The following SLC4A5 variants were observed in gnomAD, a reference collection of about 807,000 sequenced individuals.
SLC4A5 encodes the protein solute carrier family 4 member 5.
In SLC4A5, 96 loss-of-function variants were observed where a neutral mutation model predicts 120.4. The ratio of observed to expected loss-of-function variants is 0.80; its 90% CI spans 0.68 to 0.94. The LOEUF (loss-of-function observed/expected upper bound fraction) is 0.94, where lower values mean the gene tolerates loss of function less well. Among genes scored for constraint, SLC4A5 ranks in the 40% least tolerant of loss-of-function variants. The pLI is 0.00. For missense variants in SLC4A5, 1,259 were observed against 1,459.5 expected, an observed-to-expected ratio of 0.86 and a Z score of 2.24; for synonymous variants, 550 against 571.1, an observed-to-expected ratio of 0.96 and a Z score of 0.53.
At chr2:74,228,590 A>G (rs1240893280) in intron 25 of SLC4A5, among the ~76,000 whole-genome samples, 8 of 152,138 alleles carry the variant, frequency 5.3e-5, no homozygotes. Flanking sequence ...AGATCGTGCT[A>G]CTGAACTCCA....
chr2:74,294,525 C>G (rs1432642403), intron 7 of SLC4A5, among the ~76,000 whole-genome samples: 3 of 152,084 alleles, frequency 2.0e-5, no homozygotes, highest in African/African-American at 7.2e-5. Context: ...TCAAACTGAA[C>G]AGTTGCTCTG....
At chr2:74,314,979 G>C in exon 6 of SLC4A5, 1 of 1,614,014 alleles carries the variant, frequency 6.2e-7, no homozygotes. Context: ...TGTGGTTAGT[G>C]TGGTCCAGCT....
chr2:74,281,146 C>T (rs562211607), intron 8 of SLC4A5, among the ~76,000 whole-genome samples: 1 of 152,366 alleles, frequency 6.6e-6, no homozygotes, highest in Admixed American at 6.5e-5. Context: ...ACCCACTTCT[C>T]CTGCCCTTCC....
chr2:74,336,082 G>A (rs1673480498), intron 3 of SLC4A5, among the ~76,000 whole-genome samples: 1 of 151,966 alleles, frequency 6.6e-6, no homozygotes, highest in South Asian at 2.1e-4. Context: ...TTTATTTATT[G>A]TGGAGACAGC....
At chr2:74,276,215 C>T (rs1383272092) in intron 8 of SLC4A5, among the ~76,000 whole-genome samples, 1 of 152,166 alleles carries the variant, frequency 6.6e-6, no homozygotes, top group Non-Finnish European at 1.5e-5. Context: ...AAGAGATCAT[C>T]TGTGCACAAA....
intron 20 of SLC4A5, among the ~76,000 whole-genome samples, chr2:74,239,973 C>T (rs889782978): frequency 3.3e-5 from 5 of 151,028 alleles, no homozygotes; most frequent in African/African-American, 1.2e-4. Flanking sequence ...TCTCAGATGC[C>T]TAAAATCCAA....
intron 8 of SLC4A5, among the ~76,000 whole-genome samples, chr2:74,266,165 A>T (rs1159952986): frequency 6.6e-6 from 1 of 152,210 alleles, no homozygotes; most frequent in Non-Finnish European, 1.5e-5. Context: ...ACATATAGAA[A>T]CTTGCGGAGA....
intron 7 of SLC4A5, chr2:74,290,788 G>C (rs1672141581): frequency 1.0e-6 from 1 of 987,038 alleles, no homozygotes; most frequent in Admixed American, 6.1e-5. Context: ...TGGCAGCTGA[G>C]GACCTGTGAG....
chr2:74,301,805 A>G (rs1189532554), intron 7 of SLC4A5, among the ~76,000 whole-genome samples: 1 of 152,216 alleles, frequency 6.6e-6, no homozygotes, highest in Admixed American at 6.5e-5. Flanking sequence ...CTCAATGCCC[A>G]TGGGCTGCAG....
At chr2:74,230,509 C>T (rs1670038980) in intron 25 of SLC4A5, among the ~76,000 whole-genome samples, 2 of 152,060 alleles carry the variant, frequency 1.3e-5, no homozygotes, top group South Asian at 4.1e-4. Context: ...CCTGAGTAGC[C>T]GGACTACAGG....
At chr2:74,290,745 C>G (rs1481811261) in intron 7 of SLC4A5, 1 of 985,888 alleles carries the variant, frequency 1.0e-6, no homozygotes, top group Non-Finnish European at 1.2e-6. Context: ...GAACCTCAAG[C>G]AGGAAGCCGG....
At chr2:74,301,532 G>C (rs758198942) in intron 7 of SLC4A5, among the ~76,000 whole-genome samples, 6 of 152,228 alleles carry the variant, frequency 3.9e-5, no homozygotes, top group Non-Finnish European at 7.3e-5. Flanking sequence ...TTACAGAACA[G>C]ACAGGACACT....
chr2:74,298,297 G>C (rs1476040928), intron 7 of SLC4A5, among the ~76,000 whole-genome samples: 1 of 152,180 alleles, frequency 6.6e-6, no homozygotes, highest in Non-Finnish European at 1.5e-5. Flanking sequence ...TATCTGACAA[G>C]AGTGGTAAGA....
intron 7 of SLC4A5, among the ~76,000 whole-genome samples, chr2:74,293,596 G>T (rs1672239941): frequency 6.6e-6 from 1 of 152,224 alleles, no homozygotes. Flanking sequence ...TAGAGGCGAA[G>T]CTGTGGGAAA....
At chr2:74,290,772 G>C in intron 7 of SLC4A5, 15 of 986,812 alleles carry the variant, frequency 1.5e-5, no homozygotes, top group Non-Finnish European at 1.7e-5. Flanking sequence ...ACAGCAGCAG[G>C]GGTGGTGGCA....
chr2:74,319,360 T>C (rs1230571006), intron 5 of SLC4A5: 6 of 152,188 alleles, frequency 3.9e-5, no homozygotes, highest in Non-Finnish European at 8.8e-5. Flanking sequence ...TAAATATATA[T>C]TTTAAAACAT....
At chr2:74,289,334 TGAGACAGAGTC>T (rs1488930323) in intron 7 of SLC4A5, among the ~76,000 whole-genome samples, 5 of 152,150 alleles carry the variant, frequency 3.3e-5, no homozygotes, top group African/African-American at 1.2e-4. Flanking sequence ...TTTTTTTTTT[TGAGACAGAGTC>T]TCACTCTTTT....
intron 3 of SLC4A5, among the ~76,000 whole-genome samples, chr2:74,336,627 G>A (rs918555191): frequency 6.6e-6 from 1 of 152,182 alleles, no homozygotes; most frequent in Non-Finnish European, 1.5e-5. Context: ...CTAAAGCTTA[G>A]AGAGGATAAC....
rs1265095120 is a variant in SLC4A5, at chr2:74,337,487, G to A, written c.-221+1368C>T. ...AAGGGTCAGCACCTTTTTAAAGAGC[G>A]GGGCTCAAGTACAGATGAAGGAGAA... On this transcript the variant is annotated intron_variant, in intron 3 of 30. Transcript: ENST00000394019. Among the ~76,000 whole-genome samples the A allele has an allele frequency of 3.3e-5, 5 of 152,294 alleles. No homozygotes were observed. The South Asian group carries it at 6.2e-4, about 19-fold the overall frequency.
Sources: allele counts gnomAD v4.1 joint callset (sites outside exome capture counted in the v4.1 genomes callset), GRCh38; gene constraint gnomAD v4.1.1; transcripts MANE v1.5; gene names NCBI Gene and HGNC (gene_info 2026-07-23, HGNC 2026-07-21).